The following SLC25A48 variants were observed in gnomAD, a reference collection of about 807,000 sequenced individuals.
SLC25A48 encodes CTC-321K16.1.
In SLC25A48, 29 loss-of-function variants were observed where a neutral mutation model predicts 32.2. The ratio of observed to expected loss-of-function variants is 0.90; its 90% CI spans 0.67 to 1.23. SLC25A48 has a LOEUF of 1.23. SLC25A48 is among the 50% of genes most tolerant of loss of function. The probability of loss-of-function intolerance (pLI) is 0.00; values close to 1 mark genes in which losing one functional copy is unlikely to be tolerated. For missense variants in SLC25A48, 399 were observed against 422.7 expected, an observed-to-expected ratio of 0.94 and a Z score of 0.49; for synonymous variants, 164 against 172.3, an observed-to-expected ratio of 0.95 and a Z score of 0.38.
intron 3 of SLC25A48, among the ~76,000 whole-genome samples, chr5:135,693,240 G>A (rs1475163373): frequency 6.6e-6 from 1 of 152,220 alleles, no homozygotes; most frequent in Non-Finnish European, 1.5e-5. Context: ...ATAGTCTACT[G>A]TGGTAAATGT....
intron 2 of SLC25A48, among the ~76,000 whole-genome samples, chr5:135,845,984 C>T (rs900195123): frequency 5.3e-5 from 8 of 152,196 alleles, no homozygotes; most frequent in South Asian, 2.1e-4. Flanking sequence ...ACTCCTATAC[C>T]GTACCAGTAC....
chr5:135,598,448 A>G (rs1304548300), intron 1 of SLC25A48, among the ~76,000 whole-genome samples: 2 of 152,184 alleles, frequency 1.3e-5, no homozygotes, highest in East Asian at 1.9e-4. Context: ...AGCTTCTACA[A>G]TGGCATACTG....
intron 4 of SLC25A48, among the ~76,000 whole-genome samples, chr5:135,827,996 T>C (rs990850150): frequency 2.6e-5 from 4 of 152,216 alleles, no homozygotes; most frequent in African/African-American, 4.8e-5. Context: ...CCCTCCTCTC[T>C]TCCCATGTGT....
intron 4 of SLC25A48, chr5:135,827,274 C>G (rs756561601): frequency 5.3e-5 from 8 of 152,288 alleles, no homozygotes; most frequent in African/African-American, 1.7e-4. Flanking sequence ...CTTTGACACT[C>G]ACACACCTCT....
chr5:135,814,334 T>A (rs1047969366), intron 4 of SLC25A48, among the ~76,000 whole-genome samples: 3 of 152,184 alleles, frequency 2.0e-5, no homozygotes, highest in Non-Finnish European at 4.4e-5. Context: ...GACAGCCTAC[T>A]CTGATCACTC....
Position 135,629,272 on chromosome 5 carries a change from C to G in SLC25A48, c.-813C>G, listed in dbSNP as rs1752505971. The G allele has an allele frequency of 1.3e-5, 2 of 152,038 alleles. No individual in the cohort carries two copies. 9.4% of individuals were successfully genotyped at this position (152,038 alleles called of 1,614,324 possible). On this transcript the variant is annotated 5_prime_UTR_variant, in exon 2 of 11. Coordinates refer to the SLC25A48 transcript ENST00000646290. This position sits in a 1 kb window ranked among gnomAD's most constrained non-coding sequence, Gnocchi z 4.8. Reference sequence around the variant, plus strand: ...TAAAGAAAGAAAGGAGGAAAAAAACCCTGCTGGACGTTGGATGTACAGCCA... The same window carrying G: ...TAAAGAAAGAAAGGAGGAAAAAAACGCTGCTGGACGTTGGATGTACAGCCA...
intron 2 of SLC25A48, among the ~76,000 whole-genome samples, chr5:135,844,263 C>A (rs1759237303): frequency 6.6e-6 from 1 of 152,214 alleles, no homozygotes; most frequent in African/African-American, 2.4e-5. Flanking sequence ...TCTGGGACCT[C>A]AGCCAAGTTC....
At chr5:135,780,298 G>A (rs527654442) in intron 3 of SLC25A48, among the ~76,000 whole-genome samples, 1 of 114,626 alleles carries the variant, frequency 8.7e-6, no homozygotes, top group African/African-American at 2.6e-5. Context: ...GTGTTAGCCA[G>A]GATGGTCTTG....
At chr5:135,700,022 C>T (rs6887694) in intron 3 of SLC25A48, among the ~76,000 whole-genome samples, 78,482 of 151,852 alleles carry the variant, frequency 0.52, 21,196 homozygotes, top group South Asian at 0.61. Flanking sequence ...ATTCTGTCTG[C>T]CCCTCATTTT....
intron 3 of SLC25A48, among the ~76,000 whole-genome samples, chr5:135,796,002 T>G: frequency 3.3e-5 from 2 of 60,732 alleles, no homozygotes; most frequent in Admixed American, 1.8e-4. Flanking sequence ...TTACTCCCAG[T>G]ATCGCGAGGG....
intron 1 of SLC25A48, among the ~76,000 whole-genome samples, chr5:135,590,291 A>G (rs1751487853): frequency 6.6e-6 from 1 of 152,172 alleles, no homozygotes; most frequent in African/African-American, 2.4e-5. Flanking sequence ...CAATGTGCAG[A>G]GGAACACCCT....
chr5:135,645,594 T>C (rs947820755), intron 3 of SLC25A48, among the ~76,000 whole-genome samples: 4 of 152,186 alleles, frequency 2.6e-5, no homozygotes, highest in African/African-American at 9.7e-5. Context: ...ATAACCCTTC[T>C]TAGAAAAGTG....
intron 3 of SLC25A48, among the ~76,000 whole-genome samples, chr5:135,811,274 G>T (rs182620677): frequency 6.6e-6 from 1 of 152,340 alleles, no homozygotes; most frequent in Admixed American, 6.5e-5. Flanking sequence ...TTTGTGACAT[G>T]GATGAGCCTA....
chr5:135,846,441 G>A lies in SLC25A48; in HGVS notation c.90+3982G>A, dbSNP rs553847555. ...CCCTCACTACCCAGTCCAATCTGGG[G>A]CATGCATCTTGGCCCAGGACAGCCA... On this transcript the variant is annotated intron_variant, in intron 2 of 7. Coordinates refer to ENST00000681962, the MANE Select transcript of SLC25A48 (RefSeq NM_001349336.2). Among the ~76,000 whole-genome samples the A allele has an allele frequency of 2.0e-4, 30 of 152,270 alleles. No homozygotes were observed. In the East Asian group the frequency reaches 2.9e-3, roughly 15 times the overall value.
chr5:135,703,886 T>C (rs1197378991), intron 3 of SLC25A48, among the ~76,000 whole-genome samples: 1 of 152,210 alleles, frequency 6.6e-6, no homozygotes, highest in Non-Finnish European at 1.5e-5. Context: ...TACTGTGCCC[T>C]TAAGATCTGG....
chr5:135,621,921 C>T (rs1443753104), intron 1 of SLC25A48, among the ~76,000 whole-genome samples: 2 of 151,864 alleles, frequency 1.3e-5, no homozygotes, highest in Non-Finnish European at 2.9e-5. Flanking sequence ...ACCTTAAAGC[C>T]AGAAGACAAT....
In SLC25A48 at chr5:135,584,152, C is replaced by G. The variant is rs55781925; in HGVS notation, c.-849+4555C>G. On this transcript the variant is annotated intron_variant, in intron 1 of 10. Coordinates refer to the SLC25A48 transcript ENST00000646290. ...CTCAGATGGGTCACAGGGGGCACTG[C>G]AAGATTCCCCTAAACATGGGAGAAA... Among the ~76,000 whole-genome samples, 1,321 of 152,326 alleles carry G rather than the reference C, an allele frequency of 8.7e-3. 8 individuals carry two copies. The highest frequency in any genetic ancestry group is 0.013 in the Non-Finnish European group (877 of 68,026).
At chr5:135,733,975 C>T (rs1486610611) in intron 3 of SLC25A48, among the ~76,000 whole-genome samples, 1 of 152,014 alleles carries the variant, frequency 6.6e-6, no homozygotes, top group Non-Finnish European at 1.5e-5. Flanking sequence ...CCTGAACTAA[C>T]CGGTAAGGCT....
chr5:135,683,600 G>T (rs920988079), intron 3 of SLC25A48, among the ~76,000 whole-genome samples: 3 of 152,188 alleles, frequency 2.0e-5, no homozygotes, highest in African/African-American at 7.2e-5. Flanking sequence ...GACTAGCTGG[G>T]TGGTCAGCAG....
Sources: allele counts gnomAD v4.1 joint callset (sites outside exome capture counted in the v4.1 genomes callset), GRCh38; gene constraint gnomAD v4.1.1; non-coding constraint Gnocchi (gnomAD v3.1); transcripts MANE v1.5; gene names NCBI Gene and HGNC (gene_info 2026-07-23, HGNC 2026-07-21).